GFOD1: variants seen among roughly 807,000 people sequenced by gnomAD.
GFOD1 encodes the protein glucose-fructose oxidoreductase domain-containing protein 1.
A neutral mutation model predicts 25.4 loss-of-function variants in GFOD1; 9 were observed. The ratio of observed to expected loss-of-function variants is 0.35; its 90% CI spans 0.21 to 0.62. GFOD1 has a LOEUF of 0.62. Among genes scored for constraint, GFOD1 ranks in the 20% least tolerant of loss-of-function variants. The pLI, the probability that GFOD1 is intolerant of heterozygous loss-of-function variation, is 0.72. For synonymous variants in GFOD1, 253 were observed against 245.6 expected (o/e 1.03, Z -0.28); for missense variants, 403 against 556.9 (o/e 0.72, Z 2.78).
In GFOD1 at chr6:13,364,155, T is replaced by C. The variant is rs1403485301; in HGVS notation, c.*588A>G. On this transcript the variant is annotated 3_prime_UTR_variant, in exon 2 of 2. Transcript: ENST00000379287. This position sits in a 1 kb window ranked among gnomAD's most constrained non-coding sequence, Gnocchi z 4.1. ...TGAGGAAGCCCAATCAATCAAAAGG[T>C]GGCCACTTTGCTACTAAGTACTTTT... 1 of 152,806 alleles carries C rather than the reference T, an allele frequency of 6.5e-6. No individual in the cohort carries two copies. The highest frequency in any genetic ancestry group is 1.5e-5 in the Non-Finnish European group (1 of 68,536). The allele number at this position is 152,806 out of a possible 1,614,324, so 9.5% of individuals were successfully genotyped here.
intron 1 of GFOD1, among the ~76,000 whole-genome samples, chr6:13,467,601 ACATTTTCTTTGGAAGGCTGAATGGCG>A (rs1758399490): frequency 6.6e-6 from 1 of 152,224 alleles, no homozygotes; most frequent in Non-Finnish European, 1.5e-5. Flanking sequence ...TTGCAATTGT[ACATTTTCTTTGGAAGGCTGAATGGCG>A]CATTTTCTTT....
rs546112961 is a variant in GFOD1 at position 13,372,611 on chromosome 6, G to A, written c.254-6949C>T. ...AGGGGCTTCCCATTCACACCTCTAG[G>A]GAAAGATGGAGCTCTGTTGTCCCAC... On this transcript the variant is annotated intron_variant, in intron 1 of 1. Transcript: ENST00000379287. Among the ~76,000 whole-genome samples the A allele has an allele frequency of 4.6e-5, 7 of 152,242 alleles. No individual in the cohort carries two copies. In the South Asian group the frequency reaches 8.3e-4, roughly 18 times the overall value.
chr6:13,485,979 C>A (rs1232927926), intron 1 of GFOD1: 1 of 968,290 alleles, frequency 1.0e-6, no homozygotes, highest in African/African-American at 1.8e-5. Context: ...AATACATCAT[C>A]ACCCCCATCC....
intron 1 of GFOD1, among the ~76,000 whole-genome samples, chr6:13,399,658 A>G (rs987914515): frequency 1.3e-5 from 2 of 152,230 alleles, no homozygotes; most frequent in Admixed American, 6.5e-5. Flanking sequence ...TTTATCTGCA[A>G]TTGTAAAACA....
At chr6:13,482,759 T>C (rs928182644) in intron 1 of GFOD1, among the ~76,000 whole-genome samples, 2 of 152,022 alleles carry the variant, frequency 1.3e-5, no homozygotes, top group African/African-American at 2.4e-5. Context: ...AAAAATAAAA[T>C]AAAATTAGAT....
chr6:13,410,438 A>T (rs1355854226), intron 1 of GFOD1, among the ~76,000 whole-genome samples: 2 of 152,004 alleles, frequency 1.3e-5, no homozygotes, highest in African/African-American at 2.4e-5. Flanking sequence ...GTGGTGGTGC[A>T]TGCCTGTAAT....
rs536437700 is a variant in GFOD1, at chr6:13,408,960, C to T, written c.254-43298G>A. On this transcript the variant is annotated intron_variant, in intron 1 of 1. Transcript: ENST00000379287. ...ATTAGCCAGGTATGGTGGCATGTGC[C>T]TGTAATCCCAAGTACTTGCAAGGCT... is the stretch of plus-strand genomic sequence containing the variant. Among the ~76,000 whole-genome samples, 7 of 151,892 alleles carry T rather than the reference C, an allele frequency of 4.6e-5. No homozygotes were observed. In the East Asian group the frequency reaches 1.4e-3, roughly 29 times the overall value.
intron 1 of GFOD1, among the ~76,000 whole-genome samples, chr6:13,373,819 G>A (rs1311385552): frequency 1.4e-5 from 2 of 147,866 alleles, no homozygotes; most frequent in East Asian, 2.0e-4. Flanking sequence ...AAAAGAAGTG[G>A]AAGTATCATC....
chr6:13,397,559 G>T lies in GFOD1; in HGVS notation c.254-31897C>A, dbSNP rs537087242. On this transcript the variant is annotated intron_variant, in intron 1 of 1. Coordinates refer to ENST00000379287, the MANE Select transcript of GFOD1 (RefSeq NM_018988.4). ...CTTGTATCATAAAACCCAGGGGCCG[G>T]CCCACTGGGGAGAACAGAAGGCACT... 7.2e-5 allele frequency among the ~76,000 whole-genome samples: 11 copies of T among 152,332 alleles called. 1 individual carries two copies. The highest frequency in any genetic ancestry group is 7.2e-4 in the Admixed American group (11 of 15,306).
chr6:13,462,958 C>T (rs1431740394), intron 1 of GFOD1, among the ~76,000 whole-genome samples: 3 of 152,176 alleles, frequency 2.0e-5, no homozygotes, highest in African/African-American at 7.2e-5. Context: ...AATGCCATCC[C>T]AGAGCTCAGC....
In GFOD1 at chr6:13,386,606, C is replaced by T. The variant is rs375839199; in HGVS notation, c.254-20944G>A. The stretch of plus-strand genomic sequence containing the variant: ...CACAAAGCTCTGCTCCCCAACGATC[C>T]TCATTCTGCCATTCTTCCTGGGGGC... On this transcript the variant is annotated intron_variant, in intron 1 of 1. Transcript: ENST00000379287. Among the ~76,000 whole-genome samples, 12 of 152,314 alleles carry T rather than the reference C, an allele frequency of 7.9e-5. No individual in the cohort carries two copies. In the South Asian group the frequency reaches 2.3e-3, roughly 29 times the overall value.
chr6:13,420,403 T>C (rs1485192771), intron 1 of GFOD1, among the ~76,000 whole-genome samples: 2 of 152,150 alleles, frequency 1.3e-5, no homozygotes, highest in Admixed American at 6.5e-5. Context: ...AGTCCAATTC[T>C]TGGGCATCTT....
chr6:13,391,070 A>T lies in GFOD1; in HGVS notation c.254-25408T>A, dbSNP rs911733032. 2.0e-4 allele frequency among the ~76,000 whole-genome samples: 30 copies of T among 152,240 alleles called. 1 individual carries two copies. The highest frequency in any genetic ancestry group is 7.3e-5 in the Non-Finnish European group (5 of 68,040). On this transcript the variant is annotated intron_variant, in intron 1 of 1. Coordinates refer to ENST00000379287, the MANE Select transcript of GFOD1 (RefSeq NM_018988.4). ...TGCTTGAAGTTAGCGTAACAGGGAAAGGAAGAAAGAAGCCCAGAGAAGGAA... is the reference window on the plus strand; with the variant it reads ...TGCTTGAAGTTAGCGTAACAGGGAATGGAAGAAAGAAGCCCAGAGAAGGAA...
intron 1 of GFOD1, among the ~76,000 whole-genome samples, chr6:13,427,990 G>A (rs754823579): frequency 4.9e-4 from 74 of 152,272 alleles, no homozygotes; most frequent in Admixed American, 1.1e-3. Context: ...AGGTGTTGAT[G>A]GCTCTCTTTT....
At chr6:13,443,166 A>G (rs1464635727) in intron 1 of GFOD1, among the ~76,000 whole-genome samples, 1 of 152,212 alleles carries the variant, frequency 6.6e-6, no homozygotes, top group East Asian at 1.9e-4. Context: ...AAATAGCAAG[A>G]GAACTAGAAT....
intron 1 of GFOD1, among the ~76,000 whole-genome samples, chr6:13,421,560 A>T (rs1786257117): frequency 6.6e-6 from 1 of 152,164 alleles, no homozygotes; most frequent in South Asian, 2.1e-4. Context: ...ATTTAAAAAA[A>T]AACCATCAAT....
At chr6:13,458,813 G>A (rs1401036675) in intron 1 of GFOD1, among the ~76,000 whole-genome samples, 1 of 140,932 alleles carries the variant, frequency 7.1e-6, no homozygotes, top group East Asian at 2.3e-4. Context: ...GAGCATTTGG[G>A]GCATGATTTC....
chr6:13,374,262 A>G (rs1330840412), intron 1 of GFOD1, among the ~76,000 whole-genome samples: 2 of 64,618 alleles, frequency 3.1e-5, no homozygotes, highest in Non-Finnish European at 7.4e-5. Context: ...TTTTAAAAAT[A>G]TGTTTTTTTT....
intron 1 of GFOD1, among the ~76,000 whole-genome samples, chr6:13,386,513 T>C (rs533398051): frequency 2.2e-4 from 33 of 152,314 alleles, no homozygotes; most frequent in Non-Finnish European, 4.0e-4. Flanking sequence ...ACAGGTGGGC[T>C]AACGTTTGGG....
Sources: gnomAD v4.1 joint callset for allele counts (sites outside exome capture counted in the v4.1 genomes callset) on GRCh38, gnomAD v4.1.1 for gene constraint, Gnocchi (gnomAD v3.1) non-coding constraint, MANE v1.5 for transcripts, NCBI Gene and HGNC (gene_info 2026-07-23, HGNC 2026-07-21) for gene names.